The following LRRC8B variants were observed in gnomAD, a reference collection of about 807,000 sequenced individuals.
LRRC8B encodes volume-regulated anion channel subunit LRRC8B.
In LRRC8B, 23 loss-of-function variants were observed where a neutral mutation model predicts 58.8. The ratio of observed to expected loss-of-function variants is 0.39; its 90% CI spans 0.28 to 0.55. The LOEUF is 0.55. Ranked by LOEUF, LRRC8B falls within the 20% of genes least tolerant of loss-of-function variation. LRRC8B has a pLI of 0.62. For synonymous variants in LRRC8B, 359 were observed against 374.1 expected (o/e 0.96, Z 0.47); for missense variants, 694 against 936.0 (o/e 0.74, Z 3.37).
At chr1:89,530,381 T>TA (rs1553153226) in intron 1 of LRRC8B, among the ~76,000 whole-genome samples, 5 of 147,512 alleles carry the variant, frequency 3.4e-5, no homozygotes, top group African/African-American at 7.4e-5. Context: ...AATAAATAAA[T>TA]AATAAATAAA....
chr1:89,589,947 T>C (rs1161398718), intron 5 of LRRC8B, among the ~76,000 whole-genome samples: 2 of 152,162 alleles, frequency 1.3e-5, no homozygotes, highest in Non-Finnish European at 2.9e-5. Flanking sequence ...CAGAGAATTC[T>C]AGGATGTAGA....
At chr1:89,587,187 C>CAG (rs1654683427) in intron 5 of LRRC8B, among the ~76,000 whole-genome samples, 1 of 152,118 alleles carries the variant, frequency 6.6e-6, no homozygotes, top group South Asian at 2.1e-4. Context: ...CAGGGACTGC[C>CAG]AGATACTCAG....
At chr1:89,574,643 A>G (rs1465520833) in intron 3 of LRRC8B, among the ~76,000 whole-genome samples, 1 of 152,120 alleles carries the variant, frequency 6.6e-6, no homozygotes, top group African/African-American at 2.4e-5. Context: ...CAAGAAAGAG[A>G]CTAATTAAAG....
Position 89,584,551 on chromosome 1 carries a change from A to G in LRRC8B, c.1901A>G (p.Asn634Ser), listed in dbSNP as rs747946560. ...EEIISFQHLQ[N>S]LSCLKLWHNN... is the part of the protein sequence containing the mutation. The stretch of plus-strand genomic sequence containing the variant: ...ATCATTAGCTTTCAGCATCTTCAGA[A>G]TCTTTCCTGCTTAAAGTTGTGGCAC... The change falls in exon 5 of 6, where the codon AAT (asparagine) becomes AGT (serine). Residue 634 changes from asparagine to serine, a missense_variant. This residue lies in a region of LRRC8B where 53 missense variants were observed against 112.3 expected (regional missense o/e 0.47). Coordinates refer to ENST00000330947, the MANE Select transcript of LRRC8B (RefSeq NM_001369817.2). The G allele has an allele frequency of 3.1e-6, 5 of 1,614,170 alleles. No homozygotes were observed. In the South Asian group the frequency reaches 3.3e-5, roughly 11 times the overall value.
At chr1:89,580,974 C>T (rs1269271544) in intron 4 of LRRC8B, among the ~76,000 whole-genome samples, 1 of 152,002 alleles carries the variant, frequency 6.6e-6, no homozygotes, top group African/African-American at 2.4e-5. Context: ...TACCAGACCC[C>T]AGAAAGAGGG....
intron 1 of LRRC8B, among the ~76,000 whole-genome samples, chr1:89,546,597 C>G (rs987004601): frequency 9.2e-5 from 14 of 152,158 alleles, no homozygotes; most frequent in South Asian, 2.1e-4. Context: ...AACTCTTTGT[C>G]TTTTGAGAGC....
At position 89,557,287 on chromosome 1, in the gene LRRC8B, A is replaced by C. The variant is rs183223499; in HGVS notation, c.-240-10960A>C. Among the ~76,000 whole-genome samples, 349 of 152,232 alleles carry C rather than the reference A, an allele frequency of 2.3e-3. 1 individual carries two copies. Among genetic ancestry groups the C allele is most frequent in the South Asian group, 6.6e-3 (32 of 4,824 alleles). ...TGTCAATGTCTTTGCAACACTTGCT[A>C]TTTTGTTTCCCTGGAACCACAGTGG... On this transcript the variant is annotated intron_variant, in intron 1 of 5. Transcript: ENST00000330947.
chr1:89,548,755 A>G (rs919465947), intron 1 of LRRC8B, among the ~76,000 whole-genome samples: 6 of 152,176 alleles, frequency 3.9e-5, no homozygotes, highest in African/African-American at 1.4e-4. Flanking sequence ...CTCATAAGAC[A>G]GAGCTGGACA....
At chr1:89,577,408 A>C (rs997497949) in intron 3 of LRRC8B, among the ~76,000 whole-genome samples, 1 of 152,178 alleles carries the variant, frequency 6.6e-6, no homozygotes, top group African/African-American at 2.4e-5. Flanking sequence ...AATGAGGTTT[A>C]AAAGCTGAAA....
At chr1:89,559,603 C>CAAAAA (rs1204800773) in intron 1 of LRRC8B, among the ~76,000 whole-genome samples, 1 of 131,280 alleles carries the variant, frequency 7.6e-6, no homozygotes, top group African/African-American at 2.8e-5. Context: ...GACCCTGTCT[C>CAAAAA]AAAAAAAAAA....
At chr1:89,537,774 G>A (rs535993120) in intron 1 of LRRC8B, among the ~76,000 whole-genome samples, 3 of 152,080 alleles carry the variant, frequency 2.0e-5, no homozygotes, top group Non-Finnish European at 4.4e-5. Flanking sequence ...CGCCTATCCA[G>A]GATTGGTGTT....
chr1:89,586,276 G>C (rs1195295836), intron 5 of LRRC8B, among the ~76,000 whole-genome samples: 4 of 152,186 alleles, frequency 2.6e-5, no homozygotes, highest in African/African-American at 4.8e-5. Flanking sequence ...CTGGCCTAGT[G>C]ACTGCACTCT....
At chr1:89,570,959 T>C (rs1032065510) in intron 3 of LRRC8B, among the ~76,000 whole-genome samples, 2 of 152,216 alleles carry the variant, frequency 1.3e-5, no homozygotes, top group Middle Eastern at 3.2e-3. Context: ...GAGCACCATT[T>C]ATCAAATAGG....
chr1:89,551,484 T>C (rs1651810132), intron 1 of LRRC8B, among the ~76,000 whole-genome samples: 1 of 152,260 alleles, frequency 6.6e-6, no homozygotes, highest in African/African-American at 2.4e-5. Context: ...TTCATTTTTT[T>C]CCTGTTCACT....
intron 1 of LRRC8B, among the ~76,000 whole-genome samples, chr1:89,532,199 C>T (rs1650189877): frequency 1.3e-5 from 2 of 152,110 alleles, no homozygotes; most frequent in Non-Finnish European, 1.5e-5. Context: ...CCCATGTTCC[C>T]GTCATAGTCT....
At chr1:89,570,911 C>G (rs1284311275) in intron 3 of LRRC8B, among the ~76,000 whole-genome samples, 1 of 152,080 alleles carries the variant, frequency 6.6e-6, no homozygotes, top group Non-Finnish European at 1.5e-5. Context: ...AGGAAGGGGT[C>G]CAGTTTTAAT....
At chr1:89,581,834 CTAAGT>C (rs1654246306) in intron 4 of LRRC8B, among the ~76,000 whole-genome samples, 1 of 152,146 alleles carries the variant, frequency 6.6e-6, no homozygotes, top group African/African-American at 2.4e-5. Context: ...TTTAAATACT[CTAAGT>C]TTTTTCATAC....
chr1:89,581,871 C>A (rs556084563), intron 4 of LRRC8B, among the ~76,000 whole-genome samples: 5 of 152,094 alleles, frequency 3.3e-5, no homozygotes, highest in Non-Finnish European at 7.4e-5. Flanking sequence ...AATTACAAAG[C>A]GAAAGCTTGT....
chr1:89,579,776 T>C (rs1379142788), intron 4 of LRRC8B, 88 bp downstream of exon 4: 1 of 152,638 alleles, frequency 6.6e-6, no homozygotes, highest in Non-Finnish European at 1.5e-5. Context: ...AATACCCTTA[T>C]CATTGTTAGA....
Sources: allele counts gnomAD v4.1 joint callset (sites outside exome capture counted in the v4.1 genomes callset), GRCh38; gene constraint gnomAD v4.1.1; regional missense constraint gnomAD v4.1.1; transcripts MANE v1.5; gene names NCBI Gene and HGNC (gene_info 2026-07-23, HGNC 2026-07-21).